SLCO3A1: variants seen among roughly 807,000 people sequenced by gnomAD.
SLCO3A1 encodes the protein PGE1 transporter.
A neutral mutation model predicts 63.1 loss-of-function variants in SLCO3A1; 27 were observed. The ratio of observed to expected loss-of-function variants is 0.43; its 90% CI spans 0.32 to 0.59. SLCO3A1 has a LOEUF of 0.59. Ranked by LOEUF, SLCO3A1 falls within the 20% of genes least tolerant of loss-of-function variation. SLCO3A1 has a pLI of 0.09. For missense variants in SLCO3A1, 773 were observed against 945.8 expected (o/e 0.82, Z 2.40); for synonymous variants, 473 against 409.9 (o/e 1.15, Z -1.86).
chr15:91,879,654 A>G (rs570298906), intron 1 of SLCO3A1, among the ~76,000 whole-genome samples: 37 of 152,360 alleles, frequency 2.4e-4, no homozygotes, highest in Non-Finnish European at 5.0e-4. Flanking sequence ...AGCCGCTCAG[A>G]ACATCATTTT....
rs1027903498 is a variant in SLCO3A1, at chr15:92,131,813, G to A, written c.1512+3324G>A. ...TCAGGGCTGTCTCTCCTTCACCACT[G>A]CTGAGAAGCCTTCTCCAGCTCATTG... On this transcript the variant is annotated intron_variant, in intron 7 of 9. Transcript: ENST00000318445. Among the ~76,000 whole-genome samples, 6 of 145,988 alleles carry A rather than the reference G, an allele frequency of 4.1e-5. 1 individual carries two copies. Among genetic ancestry groups the A allele is most frequent in the African/African-American group, 1.2e-4 (5 of 40,282 alleles).
intron 2 of SLCO3A1, among the ~76,000 whole-genome samples, chr15:92,060,419 G>A (rs1397205335): frequency 6.6e-6 from 1 of 151,884 alleles, no homozygotes; most frequent in Admixed American, 6.6e-5. Context: ...AATTAGCTGG[G>A]CGCTGTGATG....
intron 1 of SLCO3A1, among the ~76,000 whole-genome samples, chr15:91,873,366 C>T (rs1787328083): frequency 6.6e-6 from 1 of 152,126 alleles, no homozygotes; most frequent in South Asian, 2.1e-4. Flanking sequence ...GACAGCAACC[C>T]TGGGACATCT....
At chr15:92,125,021 C>G (rs192762612) in intron 5 of SLCO3A1, among the ~76,000 whole-genome samples, 1 of 152,276 alleles carries the variant, frequency 6.6e-6, no homozygotes, top group Admixed American at 6.5e-5. Context: ...ACAGATACTC[C>G]AAGAGCAGCA....
intron 5 of SLCO3A1, among the ~76,000 whole-genome samples, chr15:92,124,349 T>C (rs2047897014): frequency 1.3e-5 from 2 of 152,080 alleles, no homozygotes; most frequent in South Asian, 2.1e-4. Flanking sequence ...GGCCTGACAA[T>C]GGCTTGGAGA....
intron 2 of SLCO3A1, among the ~76,000 whole-genome samples, chr15:92,087,730 G>C (rs2047423963): frequency 6.6e-6 from 1 of 151,742 alleles, no homozygotes; most frequent in South Asian, 2.1e-4. Context: ...TGTTGGTCAG[G>C]CTGGCCTTGA....
chr15:91,861,067 T>C (rs532579587), intron 1 of SLCO3A1, among the ~76,000 whole-genome samples: 44 of 152,326 alleles, frequency 2.9e-4, no homozygotes, highest in African/African-American at 1.0e-3. Flanking sequence ...GAATTGGGCC[T>C]TTCTCAGTGA....
rs772914087 is a variant in SLCO3A1, at chr15:92,151,410, T to G, written c.1753+396T>G. Among the ~76,000 whole-genome samples, 67 of 152,184 alleles carry G rather than the reference T, an allele frequency of 4.4e-4. 4 individuals carry two copies. The highest frequency in any genetic ancestry group is 2.6e-4 in the Admixed American group (4 of 15,286). ...AGGCGTTCTCACAATGCCTTGAAAA[T>G]GGAAACTTTGCATCCTTTAAATTTT... On this transcript the variant is annotated intron_variant, in intron 9 of 9. Transcript: ENST00000318445.
At chr15:92,067,167 C>T (rs928851540) in intron 2 of SLCO3A1, among the ~76,000 whole-genome samples, 1 of 150,972 alleles carries the variant, frequency 6.6e-6, no homozygotes, top group Non-Finnish European at 1.5e-5. Flanking sequence ...GCCACAAACA[C>T]CCCCTGCTCC....
chr15:91,896,919 T>C (rs796604686), intron 1 of SLCO3A1, among the ~76,000 whole-genome samples: 1 of 152,320 alleles, frequency 6.6e-6, no homozygotes, highest in African/African-American at 2.4e-5. Context: ...GATACCAGCC[T>C]TGATGCTGAG....
rs1453308836 is a variant in SLCO3A1 at position 92,128,463 on chromosome 15, G to T, written c.1486G>T (p.Ala496Ser). The T allele has an allele frequency of 1.2e-6, 2 of 1,613,752 alleles. No individual in the cohort carries two copies. Among genetic ancestry groups the T allele is most frequent in the Non-Finnish European group, 1.7e-6 (2 of 1,179,928 alleles). ...GGCAGATGGCATCACCTACCTGTCT[G>T]CCTGCTTTGCTGGCTGCAACAGCAC... The part of the protein sequence containing the change: ...CGADGITYLS[A>S]CFAGCNSTNL... Residue 496 changes from alanine to serine, a missense_variant, in exon 7 of 10, where the codon GCC (alanine) becomes TCC (serine). Around this residue, in one of 3 missense-constraint regions of SLCO3A1, gnomAD observed 565 missense variants for 749.8 expected, o/e 0.75. Transcript: ENST00000318445.
intron 1 of SLCO3A1, among the ~76,000 whole-genome samples, chr15:91,857,028 TCGTG>T (rs1412980608): frequency 8.4e-6 from 1 of 119,310 alleles, no homozygotes; most frequent in South Asian, 2.6e-4. Flanking sequence ...GAAGGAGGAC[TCGTG>T]TGTGTGTGTG....
rs914607680 is a variant in SLCO3A1 at position 92,033,055 on chromosome 15, C to T, written c.647-61826C>T. Among the ~76,000 whole-genome samples, 5 of 151,992 alleles carry T rather than the reference C, an allele frequency of 3.3e-5. No individual in the cohort carries two copies. Among genetic ancestry groups the T allele is most frequent in the African/African-American group, 9.7e-5 (4 of 41,370 alleles). On this transcript the variant is annotated intron_variant, in intron 2 of 9. Transcript: ENST00000318445. The surrounding 1 kb of genome is among the most constrained non-coding windows in gnomAD (Gnocchi z 4.5). ...TGGGTTTAGCACTTAGAGCATGGAT[C>T]AGAGCAAGGTATGTACAGGAAACTT...
At chr15:92,038,778 A>G (rs114984858) in intron 2 of SLCO3A1, among the ~76,000 whole-genome samples, 2,283 of 152,334 alleles carry the variant, frequency 0.015, 55 homozygotes, top group African/African-American at 0.053. Flanking sequence ...GGAACCAAAA[A>G]AGAAACCATA....
downstream of SLCO3A1, among the ~76,000 whole-genome samples, chr15:92,169,656 G>A (rs1027576108): frequency 6.6e-5 from 10 of 152,324 alleles, no homozygotes; most frequent in East Asian, 3.9e-4. Flanking sequence ...GCTGGTCATC[G>A]GCTCCCCCGG....
At chr15:92,082,452 C>T (rs2047358749) in intron 2 of SLCO3A1, among the ~76,000 whole-genome samples, 1 of 152,154 alleles carries the variant, frequency 6.6e-6, no homozygotes, top group African/African-American at 2.4e-5. Flanking sequence ...CAGCACTGCC[C>T]TCTAGTGGGG....
At chr15:92,027,173 C>G (rs1242914141) in intron 2 of SLCO3A1, among the ~76,000 whole-genome samples, 1 of 151,806 alleles carries the variant, frequency 6.6e-6, no homozygotes, top group African/African-American at 2.4e-5. Flanking sequence ...CATGAGCTCT[C>G]TAAAAAGAAG....
chr15:92,125,523 G>A (rs2047910493), intron 5 of SLCO3A1, among the ~76,000 whole-genome samples: 1 of 152,110 alleles, frequency 6.6e-6, no homozygotes, highest in South Asian at 2.1e-4. Context: ...GGCGGAGCTG[G>A]TTCAAACACT....
At chr15:92,131,348 C>CGAAA (rs2047993718) in intron 7 of SLCO3A1, among the ~76,000 whole-genome samples, 1 of 110,870 alleles carries the variant, frequency 9.0e-6, no homozygotes, top group Non-Finnish European at 2.2e-5. Context: ...CCTCAACCTC[C>CGAAA]CTATTCCTCC....
Sources: gnomAD v4.1 joint callset for allele counts (sites outside exome capture counted in the v4.1 genomes callset) on GRCh38, gnomAD v4.1.1 for gene constraint, gnomAD v4.1.1 regional missense constraint, Gnocchi (gnomAD v3.1) non-coding constraint, MANE v1.5 for transcripts, NCBI Gene and HGNC (gene_info 2026-07-23, HGNC 2026-07-21) for gene names.